Variants in KCNIP4 observed in about 807,000 individuals in gnomAD.
KCNIP4 encodes the protein Kv channel-interacting protein 4.
In KCNIP4, 12 loss-of-function variants were observed where a neutral mutation model predicts 34.0. That is an observed-to-expected ratio of 0.35 (90% CI 0.23 to 0.57). The LOEUF (loss-of-function observed/expected upper bound fraction) is 0.57, where lower values mean the gene tolerates loss of function less well. KCNIP4 is among the 20% of genes least tolerant of loss of function. The probability of loss-of-function intolerance (pLI) is 0.83; values close to 1 mark genes in which losing one functional copy is unlikely to be tolerated. For synonymous variants in KCNIP4, 124 were observed against 102.2 expected, an observed-to-expected ratio of 1.21 and a Z score of -1.29; for missense variants, 238 against 311.7, an observed-to-expected ratio of 0.76 and a Z score of 1.78.
At chr4:21,734,274 T>C (rs1715824334) in intron 1 of KCNIP4, among the ~76,000 whole-genome samples, 4 of 152,128 alleles carry the variant, frequency 2.6e-5, no homozygotes, top group Admixed American at 2.6e-4. Flanking sequence ...CTGTTGTCCT[T>C]GAAGTGCTAT....
At position 20,734,732 on chromosome 4, in the gene KCNIP4, A is replaced by T; in HGVS notation, c.433T>A (p.Phe145Ile). 1 of 1,535,910 alleles carries T rather than the reference A, an allele frequency of 6.5e-7. No individual in the cohort carries two copies. Among genetic ancestry groups the T allele is most frequent in the African/African-American group, 1.4e-5 (1 of 71,434 alleles). Reference protein sequence around the residue: ...DHNGAVSFEDFIKGLSILLRG... With the variant: ...DHNGAVSFEDIIKGLSILLRG... ...AGCAAAATGGAAAGACCTTTGATGA[A>T]ATCCTGAAAAGAAATAAAAATTCAA... Residue 145 changes from phenylalanine (F) to isoleucine (I), a missense_variant, in exon 6 of 9, where the codon TTC becomes ATC. Coordinates refer to ENST00000382152, the MANE Select transcript of KCNIP4 (RefSeq NM_025221.6).
intron 1 of KCNIP4, among the ~76,000 whole-genome samples, chr4:21,632,702 A>G (rs1033395762): frequency 4.6e-5 from 7 of 152,198 alleles, no homozygotes; most frequent in Non-Finnish European, 8.8e-5. Flanking sequence ...AATAGGAGCT[A>G]CAAACTTATG....
intron 1 of KCNIP4, among the ~76,000 whole-genome samples, chr4:21,826,802 A>G (rs1722701708): frequency 1.3e-5 from 2 of 152,078 alleles, no homozygotes; most frequent in East Asian, 1.9e-4. Flanking sequence ...GATCATCTAC[A>G]TATGCAAACT....
chr4:20,900,406 C>A (rs1727038709), intron 1 of KCNIP4, among the ~76,000 whole-genome samples: 1 of 152,200 alleles, frequency 6.6e-6, no homozygotes, highest in Admixed American at 6.5e-5. Flanking sequence ...ATGTTTCATT[C>A]ACCTTTGTGT....
intron 1 of KCNIP4, among the ~76,000 whole-genome samples, chr4:21,228,704 G>A (rs780889414): frequency 3.3e-5 from 5 of 152,062 alleles, no homozygotes; most frequent in Admixed American, 6.6e-5. Flanking sequence ...CTTCCAGTCC[G>A]GTTTTACTTT....
intron 1 of KCNIP4, among the ~76,000 whole-genome samples, chr4:20,962,767 A>T (rs747767265): frequency 6.6e-6 from 1 of 152,224 alleles, no homozygotes; most frequent in African/African-American, 2.4e-5. Flanking sequence ...TGTATAGATG[A>T]GCGATAACAG....
At chr4:21,824,603 T>C (rs1722562603) in intron 1 of KCNIP4, among the ~76,000 whole-genome samples, 1 of 152,278 alleles carries the variant, frequency 6.6e-6, no homozygotes, top group South Asian at 2.1e-4. Context: ...CCACACTCTC[T>C]GGCCTTGCAC....
chr4:21,109,767 T>C (rs989611606), intron 1 of KCNIP4, among the ~76,000 whole-genome samples: 4 of 152,164 alleles, frequency 2.6e-5, no homozygotes, highest in African/African-American at 4.8e-5. Flanking sequence ...ATATGGAGCA[T>C]TTTGAAATAT....
At chr4:20,845,991 T>A (rs1001171478) in intron 3 of KCNIP4, among the ~76,000 whole-genome samples, 2 of 152,214 alleles carry the variant, frequency 1.3e-5, no homozygotes, top group Non-Finnish European at 2.9e-5. Flanking sequence ...ATATTATGAA[T>A]GAATGTTTTC....
At chr4:21,325,770 T>C (rs1714978216) in intron 1 of KCNIP4, among the ~76,000 whole-genome samples, 1 of 151,934 alleles carries the variant, frequency 6.6e-6, no homozygotes, top group African/African-American at 2.4e-5. Flanking sequence ...TTTTGCTATA[T>C]CTCATAGGTT....
In KCNIP4 at chr4:21,192,223, A is replaced by G. The variant is rs144824886; in HGVS notation, c.62-309514T>C. Among the ~76,000 whole-genome samples the G allele has an allele frequency of 3.1e-3, 470 of 152,306 alleles. 4 individuals are homozygous for G. Among genetic ancestry groups the G allele is most frequent in the Middle Eastern group, 0.01 (3 of 294 alleles). ...TTCATCAAGTTACTCTATTGCTTTA[A>G]TTCTAGGATGCCATCAATTTTAGGG... On this transcript the variant is annotated intron_variant, in intron 1 of 8. Transcript: ENST00000382152.
chr4:20,852,634 G>A (rs890628366), intron 2 of KCNIP4, among the ~76,000 whole-genome samples: 2 of 152,118 alleles, frequency 1.3e-5, no homozygotes, highest in Non-Finnish European at 2.9e-5. Flanking sequence ...AGAGCAATCA[G>A]ACAAGAGAAA....
At chr4:21,254,274 G>C (rs918233550) in intron 1 of KCNIP4, among the ~76,000 whole-genome samples, 2 of 152,174 alleles carry the variant, frequency 1.3e-5, no homozygotes, top group Non-Finnish European at 2.9e-5. Context: ...CATTGCAACT[G>C]TACAGTGCTG....
At position 21,488,317 on chromosome 4, in the gene KCNIP4, C is replaced by T. The variant is rs184619726; in HGVS notation, c.61+460254G>A. ...TTCACCATCCATTTATTTAATTGTT[C>T]GATTCCAGTATACATCTATAGCAGC... On this transcript the variant is annotated intron_variant, in intron 1 of 8. Coordinates refer to ENST00000382152, the MANE Select transcript of KCNIP4 (RefSeq NM_025221.6). 1.1e-4 allele frequency among the ~76,000 whole-genome samples: 17 copies of T among 152,162 alleles called. No homozygotes were observed. The East Asian group carries it at 2.5e-3, about 22-fold the overall frequency.
In KCNIP4 at chr4:20,879,528, T is replaced by G. The variant is rs570989298; in HGVS notation, c.163+3080A>C. Among the ~76,000 whole-genome samples, 4 of 152,336 alleles carry G rather than the reference T, an allele frequency of 2.6e-5. No individual in the cohort carries two copies. In the South Asian group the frequency reaches 8.3e-4, roughly 32 times the overall value. On this transcript the variant is annotated intron_variant, in intron 2 of 8. Transcript: ENST00000382152. ...GGACTTAGAAGTTTTGCCTTTGACA[T>G]TTTAAAAATGAGAAATACATTTAAT...
At chr4:21,185,652 T>C (rs10021586) in intron 1 of KCNIP4, among the ~76,000 whole-genome samples, 14,652 of 152,164 alleles carry the variant, frequency 0.096, 1,148 homozygotes, top group African/African-American at 0.22. Flanking sequence ...TGTATTTGAG[T>C]GAGTAGTCAG....
At chr4:20,828,787 TACACACATAAA>T in intron 3 of KCNIP4, among the ~76,000 whole-genome samples, 5 of 152,192 alleles carry the variant, frequency 3.3e-5, no homozygotes, top group African/African-American at 1.2e-4. Flanking sequence ...CCTCCATACC[TACACACATAAA>T]AGATTTTTGA....
chr4:21,945,527 G>C (rs779134829), intron 1 of KCNIP4, among the ~76,000 whole-genome samples: 1 of 152,076 alleles, frequency 6.6e-6, no homozygotes, highest in Non-Finnish European at 1.5e-5. Flanking sequence ...CCAAAGCCAC[G>C]ATACATCCAT....
At chr4:21,290,534 T>C (rs1763379645) in intron 1 of KCNIP4, among the ~76,000 whole-genome samples, 1 of 152,234 alleles carries the variant, frequency 6.6e-6, no homozygotes. Flanking sequence ...GCATACTGTT[T>C]TGAAACTTGT....
Sources: gnomAD v4.1 joint callset for allele counts (sites outside exome capture counted in the v4.1 genomes callset) on GRCh38, gnomAD v4.1.1 for gene constraint, MANE v1.5 for transcripts, NCBI Gene and HGNC (gene_info 2026-07-23, HGNC 2026-07-21) for gene names.